Variants in PVT1 observed in about 807,000 individuals in gnomAD.
The protein encoded by PVT1 is Pvt1 oncogene, also known as CXCR4/PVT1 fusion.
At chr8:128,086,315 G>A (rs1358912227) in intron 5 of PVT1, among the ~76,000 whole-genome samples, 4 of 152,192 alleles carry the variant, frequency 2.6e-5, no homozygotes, top group Non-Finnish European at 4.4e-5. Flanking sequence ...GGGGACAGAA[G>A]CATAAGCATC....
At chr8:128,041,043 CTG>C (rs1282092930) in intron 4 of PVT1, among the ~76,000 whole-genome samples, 8 of 119,076 alleles carry the variant, frequency 6.7e-5, no homozygotes, top group Admixed American at 1.7e-4. Flanking sequence ...TGTTGAGTGC[CTG>C]TGTGTTTGTG....
intron 3 of PVT1, among the ~76,000 whole-genome samples, chr8:127,933,903 T>C (rs1408157878): frequency 6.6e-6 from 1 of 152,212 alleles, no homozygotes; most frequent in East Asian, 1.9e-4. Flanking sequence ...TGTTTGAGCC[T>C]CTAAAGTGAG....
intron 3 of PVT1, among the ~76,000 whole-genome samples, chr8:127,929,476 G>C (rs527755819): frequency 3.3e-5 from 5 of 152,274 alleles, no homozygotes; most frequent in African/African-American, 9.6e-5. Context: ...ATGTTAATAT[G>C]TTCTGTGCTC....
chr8:128,017,122 T>C (rs1403114640), intron 4 of PVT1, among the ~76,000 whole-genome samples: 1 of 152,164 alleles, frequency 6.6e-6, no homozygotes, highest in African/African-American at 2.4e-5. Flanking sequence ...TGGAAATGCA[T>C]AGACTCAGAG....
At chr8:128,077,137 A>G (rs1814101448) in intron 5 of PVT1, among the ~76,000 whole-genome samples, 1 of 152,206 alleles carries the variant, frequency 6.6e-6, no homozygotes, top group Non-Finnish European at 1.5e-5. Context: ...AGCAGACTCA[A>G]TGTGGTTCTG....
intron 5 of PVT1, among the ~76,000 whole-genome samples, chr8:128,089,717 C>T (rs77268236): frequency 3.3e-5 from 5 of 152,142 alleles, no homozygotes; most frequent in Middle Eastern, 3.2e-3. Context: ...GAAAATCATT[C>T]TTTCTTTGTT....
At chr8:127,865,077 A>G (rs1335668182) in intron 2 of PVT1, among the ~76,000 whole-genome samples, 2 of 152,158 alleles carry the variant, frequency 1.3e-5, no homozygotes, top group Non-Finnish European at 2.9e-5. Flanking sequence ...TCTCATTCTT[A>G]GAGCTGTGTG....
At chr8:127,911,199 G>T in intron 3 of PVT1, among the ~76,000 whole-genome samples, 1 of 152,202 alleles carries the variant, frequency 6.6e-6, no homozygotes, top group African/African-American at 2.4e-5. Context: ...TCTGCCACTT[G>T]CAGCCTATGT....
intron 4 of PVT1, among the ~76,000 whole-genome samples, chr8:128,011,118 T>C (rs919111799): frequency 2.0e-5 from 3 of 152,224 alleles, no homozygotes; most frequent in African/African-American, 4.8e-5. Flanking sequence ...AAAATGTAGA[T>C]GGCAACAATC....
At chr8:127,970,027 G>T (rs996331476) in intron 3 of PVT1, among the ~76,000 whole-genome samples, 5 of 152,198 alleles carry the variant, frequency 3.3e-5, no homozygotes, top group Admixed American at 2.6e-4. Context: ...AGAAGACAGG[G>T]CTCTGACACC....
At chr8:127,807,619 C>G (rs750812815) in intron 2 of PVT1, among the ~76,000 whole-genome samples, 12 of 152,060 alleles carry the variant, frequency 7.9e-5, no homozygotes, top group Non-Finnish European at 1.3e-4. Context: ...CAGTGTCTGG[C>G]CTATCTTTAA....
chr8:127,975,668 C>A (rs1234967293), intron 3 of PVT1, among the ~76,000 whole-genome samples: 3 of 152,140 alleles, frequency 2.0e-5, no homozygotes, highest in African/African-American at 4.8e-5. Context: ...ACTGAACTGG[C>A]CTTATGGTCT....
intron 3 of PVT1, among the ~76,000 whole-genome samples, chr8:127,943,311 T>C (rs1816375782): frequency 6.6e-6 from 1 of 152,246 alleles, no homozygotes; most frequent in South Asian, 2.1e-4. Flanking sequence ...CCCTTTATTC[T>C]GGCCAGCCCT....
At chr8:128,013,729 C>T (rs569862435) in intron 4 of PVT1, among the ~76,000 whole-genome samples, 1 of 152,328 alleles carries the variant, frequency 6.6e-6, no homozygotes, top group Admixed American at 6.5e-5. Flanking sequence ...TTCTTTCTTT[C>T]CCTTCCACAT....
intron 4 of PVT1, among the ~76,000 whole-genome samples, chr8:128,021,318 G>A: frequency 1.2e-5 from 1 of 86,148 alleles, no homozygotes; most frequent in East Asian, 3.0e-4. Context: ...TTTTGAGACG[G>A]AGTCTAGCTC....
intron 2 of PVT1, among the ~76,000 whole-genome samples, chr8:127,887,895 C>T (rs935205062): frequency 3.1e-4 from 42 of 135,652 alleles, no homozygotes; most frequent in Non-Finnish European, 5.8e-4. Flanking sequence ...GCTTTGGAGT[C>T]AAACCCAACT....
chr8:128,089,725 G>A (rs1193547264), intron 5 of PVT1, among the ~76,000 whole-genome samples: 2 of 152,148 alleles, frequency 1.3e-5, no homozygotes, highest in Non-Finnish European at 2.9e-5. Flanking sequence ...TTCTTTCTTT[G>A]TTTCTCCCTC....
intron 3 of PVT1, among the ~76,000 whole-genome samples, chr8:127,937,580 C>G (rs28376432): frequency 0.29 from 31,250 of 106,400 alleles, 4,696 homozygotes; most frequent in Middle Eastern, 0.39. Context: ...CACACACACA[C>G]AGAGAGAGAG....
At chr8:128,003,734 A>G (rs117255821) in intron 4 of PVT1, among the ~76,000 whole-genome samples, 6 of 152,366 alleles carry the variant, frequency 3.9e-5, no homozygotes, top group Non-Finnish European at 7.3e-5. Context: ...GTGAGTTCTT[A>G]TATAGATTTG....
Sources: gnomAD v4.1 joint callset for allele counts (sites outside exome capture counted in the v4.1 genomes callset) on GRCh38, gnomAD v4.1.1 for gene constraint, MANE v1.5 for transcripts, NCBI Gene and HGNC (gene_info 2026-07-23, HGNC 2026-07-21) for gene names.